The following VPS45 variants were observed in gnomAD, a reference collection of about 807,000 sequenced individuals.
VPS45 encodes vacuolar protein sorting 45 homolog.
Under a neutral mutation model 75.9 loss-of-function variants are expected in VPS45, and 35 were observed. The observed-to-expected ratio is 0.46, with a 90% CI of 0.35 to 0.61. The LOEUF is 0.61. Among genes scored for constraint, VPS45 ranks in the 20% least tolerant of loss-of-function variants. The probability of loss-of-function intolerance (pLI) is 0.00; values close to 1 mark genes in which losing one functional copy is unlikely to be tolerated. For synonymous variants in VPS45, 220 were observed against 238.2 expected, an observed-to-expected ratio of 0.92 and a Z score of 0.70; for missense variants, 559 against 685.9, an observed-to-expected ratio of 0.81 and a Z score of 2.07.
At chr1:150,125,643 G>A (rs1658473450) in intron 14 of VPS45, among the ~76,000 whole-genome samples, 2 of 125,514 alleles carry the variant, frequency 1.6e-5, no homozygotes, top group African/African-American at 5.9e-5. Context: ...CACACTGGGG[G>A]GAGGGGGGAG....
chr1:150,077,308 T>C (rs1655449237), intron 6 of VPS45, 77 bp downstream of exon 6: 2 of 1,522,142 alleles, frequency 1.3e-6, no homozygotes, highest in South Asian at 1.2e-5. Context: ...ACTAAAGGAA[T>C]AGTTTATTTA....
intron 14 of VPS45, 53 bp from the exon 15 acceptor site, chr1:150,144,656 T>G: frequency 6.7e-7 from 1 of 1,495,288 alleles, no homozygotes; most frequent in Non-Finnish European, 9.1e-7. Context: ...AGACATTCTA[T>G]TTTTGGAGAT....
intron 13 of VPS45, among the ~76,000 whole-genome samples, chr1:150,098,470 AG>A (rs1405371644): frequency 6.6e-6 from 1 of 152,224 alleles, no homozygotes; most frequent in Non-Finnish European, 1.5e-5. Flanking sequence ...AGATTTTTGA[AG>A]TTCATAAACA....
At chr1:150,124,460 GA>G (rs782260344) in intron 14 of VPS45, among the ~76,000 whole-genome samples, 10 of 141,414 alleles carry the variant, frequency 7.1e-5, no homozygotes, top group Admixed American at 3.6e-4. Context: ...CTCCGTCTTG[GA>G]AAAAAAAAAT....
At chr1:150,125,341 T>G (rs1469903620) in intron 14 of VPS45, among the ~76,000 whole-genome samples, 2 of 148,990 alleles carry the variant, frequency 1.3e-5, no homozygotes, top group Admixed American at 6.7e-5. Context: ...TTTACTTTTT[T>G]TATTTATTTT....
At chr1:150,074,180 A>T (rs1363956523) in intron 3 of VPS45, among the ~76,000 whole-genome samples, 3 of 150,952 alleles carry the variant, frequency 2.0e-5, no homozygotes, top group Non-Finnish European at 4.4e-5. Flanking sequence ...ACGCCCAGCT[A>T]ATTTTTGTAT....
intron 13 of VPS45, among the ~76,000 whole-genome samples, chr1:150,103,827 T>C (rs1657174196): frequency 1.3e-5 from 2 of 152,184 alleles, no homozygotes; most frequent in African/African-American, 4.8e-5. Context: ...ACTTATCAGA[T>C]CAGAAGCTCA....
intron 12 of VPS45, 37 bp downstream of exon 12, chr1:150,092,446 C>T: frequency 2.6e-6 from 4 of 1,551,536 alleles, no homozygotes; most frequent in South Asian, 2.3e-5. Context: ...TGAGTGAGAA[C>T]AGTTGAAGTC....
intron 13 of VPS45, among the ~76,000 whole-genome samples, chr1:150,095,626 A>AG (rs1230400592): frequency 2.0e-5 from 3 of 151,184 alleles, no homozygotes; most frequent in African/African-American, 7.3e-5. Context: ...AAAAAAAAAA[A>AG]GCAATCACAC....
Position 150,128,825 on chromosome 1 carries a change from C to T in VPS45, c.1626-15884C>T, listed in dbSNP as rs587659222. 2.2e-3 allele frequency among the ~76,000 whole-genome samples: 328 copies of T among 152,100 alleles called. 1 individual carries two copies. Among genetic ancestry groups the T allele is most frequent in the Middle Eastern group, 0.014 (4 of 294 alleles). On this transcript the variant is annotated intron_variant, in intron 14 of 14. Transcript: ENST00000644510. ...CACGATCTCGGCTCACTGCAACCTC[C>T]GCCTCCCGGGTTCAAGCGATTCTCC...
At chr1:150,110,698 T>C (rs2101609374) in intron 14 of VPS45, 71 bp downstream of exon 14, 1 of 1,451,750 alleles carries the variant, frequency 6.9e-7, no homozygotes, top group East Asian at 2.4e-5. Flanking sequence ...CCCTTTATGT[T>C]GGAAAAATTT....
chr1:150,118,283 CAAA>C (rs1255302690), intron 14 of VPS45, among the ~76,000 whole-genome samples: 7 of 71,684 alleles, frequency 9.8e-5, no homozygotes, highest in Non-Finnish European at 1.1e-4. Flanking sequence ...GACCCTGTCT[CAAA>C]AAAAAAAAAA....
chr1:150,073,758 G>GATAC (rs1655210033), intron 3 of VPS45, among the ~76,000 whole-genome samples: 1 of 151,986 alleles, frequency 6.6e-6, no homozygotes. Flanking sequence ...TGTTAACACT[G>GATAC]ATACAGTCAG....
intron 14 of VPS45, among the ~76,000 whole-genome samples, chr1:150,111,663 A>C (rs998335384): frequency 2.0e-5 from 3 of 152,212 alleles, no homozygotes; most frequent in African/African-American, 7.2e-5. Context: ...AGTCATTAAA[A>C]GTATTTGTAT....
intron 14 of VPS45, among the ~76,000 whole-genome samples, chr1:150,121,458 TAC>T (rs587754587): frequency 3.9e-4 from 60 of 152,346 alleles, no homozygotes; most frequent in African/African-American, 1.4e-3. Flanking sequence ...GTTTGCAGTG[TAC>T]AGACTGTTAT....
At chr1:150,105,322 G>T (rs1422353015) in intron 13 of VPS45, among the ~76,000 whole-genome samples, 3 of 152,176 alleles carry the variant, frequency 2.0e-5, no homozygotes, top group African/African-American at 7.2e-5. Flanking sequence ...TGGAAAAGAA[G>T]TCAAATTATC....
intron 13 of VPS45, among the ~76,000 whole-genome samples, chr1:150,106,423 G>C (rs1261855038): frequency 6.6e-6 from 1 of 152,214 alleles, no homozygotes; most frequent in South Asian, 2.1e-4. Flanking sequence ...GACATGAAAA[G>C]ACATTTCTCA....
rs587707362 is a variant in VPS45, at chr1:150,136,884, G to C, written c.1626-7825G>C. On this transcript the variant is annotated intron_variant, in intron 14 of 14. Coordinates refer to ENST00000644510, the MANE Select transcript of VPS45 (RefSeq NM_007259.5). Reference sequence around the variant, plus strand: ...ATGATCTCTGTGTGTGAGATGCCTGGTATTTCCAGATGTAGATTTGTTTGT... The same window carrying C: ...ATGATCTCTGTGTGTGAGATGCCTGCTATTTCCAGATGTAGATTTGTTTGT... Among the ~76,000 whole-genome samples the C allele has an allele frequency of 2.6e-5, 4 of 152,006 alleles. No homozygotes were observed. The East Asian group carries it at 7.7e-4, about 29-fold the overall frequency.
intron 13 of VPS45, among the ~76,000 whole-genome samples, chr1:150,105,277 A>G (rs182256667): frequency 3.4e-4 from 52 of 152,328 alleles, no homozygotes; most frequent in African/African-American, 1.3e-3. Context: ...ACCCAGAGCA[A>G]TCAGGCAATA....
Sources: allele counts gnomAD v4.1 joint callset (sites outside exome capture counted in the v4.1 genomes callset), GRCh38; gene constraint gnomAD v4.1.1; transcripts MANE v1.5; gene names NCBI Gene and HGNC (gene_info 2026-07-23, HGNC 2026-07-21).